The following LATS1 variants were observed in gnomAD, a reference collection of about 807,000 sequenced individuals.
The protein encoded by LATS1 is serine/threonine-protein kinase LATS1.
In LATS1, 25 loss-of-function variants were observed where a neutral mutation model predicts 106.6. That is an observed-to-expected ratio of 0.23 (90% CI 0.17 to 0.33). LATS1 has a LOEUF of 0.33. Ranked by LOEUF, LATS1 falls within the 10% of genes least tolerant of loss-of-function variation. LATS1 has a pLI of 1.00. For synonymous variants in LATS1, 465 were observed against 455.6 expected (o/e 1.02, Z -0.26); for missense variants, 1,040 against 1,382.6 (o/e 0.75, Z 3.93).
intron 1 of LATS1, among the ~76,000 whole-genome samples, chr6:149,713,530 G>C (rs1004232280): frequency 6.6e-6 from 1 of 151,930 alleles, no homozygotes; most frequent in Non-Finnish European, 1.5e-5. Flanking sequence ...GCCTGACCTC[G>C]GGTGATCCAC....
intron 5 of LATS1, among the ~76,000 whole-genome samples, 174 bp downstream of exon 5, chr6:149,679,701 T>A (rs1321973707): frequency 1.3e-5 from 2 of 152,206 alleles, no homozygotes; most frequent in Non-Finnish European, 2.9e-5. Flanking sequence ...TAGCACATTC[T>A]TTCATTTCAT....
intron 1 of LATS1, chr6:149,716,531 G>T (rs1344907446): frequency 1.3e-5 from 2 of 151,364 alleles, no homozygotes; most frequent in Non-Finnish European, 2.9e-5. Flanking sequence ...AATAACCAGG[G>T]TTAGAACAGT....
intron 1 of LATS1, among the ~76,000 whole-genome samples, chr6:149,707,381 C>T (rs894745786): frequency 6.6e-6 from 1 of 152,062 alleles, no homozygotes; most frequent in African/African-American, 2.4e-5. Context: ...GGGTTTACGC[C>T]TGTAATCCCA....
chr6:149,705,188 T>C (rs918320760), intron 1 of LATS1, among the ~76,000 whole-genome samples: 1 of 152,178 alleles, frequency 6.6e-6, no homozygotes, highest in South Asian at 2.1e-4. Flanking sequence ...TAAATGAAAT[T>C]AGGATGGACA....
chr6:149,701,288 T>C (rs1378279143), intron 2 of LATS1, among the ~76,000 whole-genome samples: 1 of 152,240 alleles, frequency 6.6e-6, no homozygotes, highest in African/African-American at 2.4e-5. Context: ...ACTTGGCAGT[T>C]AGCCTGAAGT....
chr6:149,690,328 C>T (rs1393625016), intron 3 of LATS1, among the ~76,000 whole-genome samples: 1 of 151,034 alleles, frequency 6.6e-6, no homozygotes, highest in Non-Finnish European at 1.5e-5. Flanking sequence ...ATTCTCCTGC[C>T]TCAGCCTCCC....
intron 1 of LATS1, among the ~76,000 whole-genome samples, chr6:149,707,719 T>C (rs1015099788): frequency 1.3e-5 from 2 of 152,228 alleles, no homozygotes; most frequent in Non-Finnish European, 2.9e-5. Flanking sequence ...TGAAAATACT[T>C]GTGGATAAAA....
chr6:149,695,909 C>CT (rs926462402), intron 2 of LATS1, among the ~76,000 whole-genome samples: 17 of 148,764 alleles, frequency 1.1e-4, no homozygotes, highest in South Asian at 2.1e-4. Flanking sequence ...ATTCTTTTTA[C>CT]TTTTTTTTTT....
At chr6:149,666,644 AT>A (rs1340854280) in intron 7 of LATS1, among the ~76,000 whole-genome samples, 1 of 148,076 alleles carries the variant, frequency 6.8e-6, no homozygotes, top group East Asian at 2.0e-4. Flanking sequence ...AAAAGTAGCC[AT>A]TATAAAAATG....
At chr6:149,710,257 C>T (rs1042861622) in intron 1 of LATS1, among the ~76,000 whole-genome samples, 1 of 152,126 alleles carries the variant, frequency 6.6e-6, no homozygotes, top group Admixed American at 6.5e-5. Context: ...GGGGCAATAG[C>T]CATTCATATT....
At position 149,660,635 on chromosome 6, in the gene LATS1, C is replaced by T. The variant is rs116082223; in HGVS notation, c.*1094G>A. On this transcript the variant is annotated 3_prime_UTR_variant, in exon 8 of 8. Coordinates refer to ENST00000543571, the MANE Select transcript of LATS1 (RefSeq NM_004690.4). The stretch of plus-strand genomic sequence containing the variant: ...CGTTATACATAACAGGCATGTTGAA[C>T]GCATTATTGAACCTTAAATAAATTA... 2,351 of 231,516 alleles carry T rather than the reference C, an allele frequency of 0.01. 51 individuals carry two copies. Among genetic ancestry groups the T allele is most frequent in the African/African-American group, 0.049 (2,226 of 45,328 alleles). The allele number at this position is 231,516 out of a possible 1,614,324, so 14.3% of individuals were successfully genotyped here. A position where few individuals can be genotyped will look rare whatever the true frequency, so the allele number is the denominator to read the frequency against.
At chr6:149,709,644 A>T in intron 1 of LATS1, among the ~76,000 whole-genome samples, 1 of 143,342 alleles carries the variant, frequency 7.0e-6, no homozygotes, top group African/African-American at 2.6e-5. Flanking sequence ...CATAATGGGA[A>T]CCCTGGTCTC....
In LATS1 at chr6:149,713,954, G is replaced by A. The variant is rs145385883; in HGVS notation, c.-141+3895C>T. The stretch of plus-strand genomic sequence containing the variant: ...GGATTATATAGGCATGAACCACTGC[G>A]CACGGCCTCTTTTTTTCTTTTATCA... On this transcript the variant is annotated intron_variant, in intron 1 of 7. Coordinates refer to ENST00000543571, the MANE Select transcript of LATS1 (RefSeq NM_004690.4). 3.5e-3 allele frequency among the ~76,000 whole-genome samples: 536 copies of A among 151,064 alleles called. 3 individuals are homozygous for A. Among genetic ancestry groups the A allele is most frequent in the African/African-American group, 0.012 (500 of 41,216 alleles).
chr6:149,665,942 G>C (rs1781118781), intron 7 of LATS1, among the ~76,000 whole-genome samples: 1 of 151,868 alleles, frequency 6.6e-6, no homozygotes, highest in Admixed American at 6.6e-5. Context: ...AGGAGTTTGA[G>C]ACCAGCCTGG....
intron 2 of LATS1, among the ~76,000 whole-genome samples, chr6:149,697,740 C>CT (rs369289215): frequency 2.6e-4 from 39 of 151,810 alleles, no homozygotes; most frequent in African/African-American, 8.0e-4. Flanking sequence ...TTTTTCTTTT[C>CT]TTTTTTTTGT....
chr6:149,701,279 C>T (rs1344682897), intron 2 of LATS1, among the ~76,000 whole-genome samples: 1 of 152,166 alleles, frequency 6.6e-6, no homozygotes, highest in Non-Finnish European at 1.5e-5. Flanking sequence ...ATATTAAAGA[C>T]TTGGCAGTTA....
chr6:149,704,782 C>T lies in LATS1; in HGVS notation c.-140-2516G>A, dbSNP rs12210349. Among the ~76,000 whole-genome samples, 510 of 152,078 alleles carry T rather than the reference C, an allele frequency of 3.4e-3. 2 individuals are homozygous for T. The highest frequency in any genetic ancestry group is 5.5e-3 in the Non-Finnish European group (376 of 68,010). ...GGGATTATAGGCATGAGCCACCCCA[C>T]CTAGCCTGAGTAAACTTTATAGTAT... On this transcript the variant is annotated intron_variant, in intron 1 of 7. Coordinates refer to ENST00000543571, the MANE Select transcript of LATS1 (RefSeq NM_004690.4).
intron 3 of LATS1, among the ~76,000 whole-genome samples, chr6:149,692,631 G>T (rs962823160): frequency 2.0e-5 from 3 of 151,586 alleles, no homozygotes; most frequent in African/African-American, 7.3e-5. Flanking sequence ...TGAATAGGAA[G>T]AATGACTACA....
intron 7 of LATS1, among the ~76,000 whole-genome samples, chr6:149,669,816 C>T (rs376134247): frequency 3.3e-5 from 5 of 151,614 alleles, no homozygotes; most frequent in East Asian, 1.9e-4. Flanking sequence ...AATAAAGGGA[C>T]CTATATGGCA....
Sources: allele counts gnomAD v4.1 joint callset (sites outside exome capture counted in the v4.1 genomes callset), GRCh38; gene constraint gnomAD v4.1.1; transcripts MANE v1.5; gene names NCBI Gene and HGNC (gene_info 2026-07-23, HGNC 2026-07-21).